SLC28A1: variants seen among roughly 807,000 people sequenced by gnomAD.
The protein encoded by SLC28A1 is solute carrier family 28 member 1.
SLC28A1 carries 64 observed loss-of-function variants against 74.8 expected under a neutral mutation model. That is an observed-to-expected ratio of 0.86 (90% CI 0.70 to 1.05). The LOEUF is 1.05. SLC28A1 is among the 50% of genes least tolerant of loss of function. SLC28A1 has a pLI of 0.00. For missense variants in SLC28A1, 828 were observed against 822.8 expected (o/e 1.01, Z -0.08); for synonymous variants, 359 against 335.0 (o/e 1.07, Z -0.78).
intron 1 of SLC28A1, 63 bp downstream of exon 1, chr15:84,884,814 T>A: frequency 1.3e-6 from 1 of 752,422 alleles, no homozygotes; most frequent in Non-Finnish European, 1.6e-6. Context: ...GGGAAGGGGG[T>A]AGCACAGGGC....
intron 8 of SLC28A1, among the ~76,000 whole-genome samples, chr15:84,906,972 G>A (rs908193926): frequency 2.0e-5 from 3 of 152,140 alleles, no homozygotes; most frequent in East Asian, 3.8e-4. Context: ...TGGGTGTTCC[G>A]ATGAGTTGAG....
chr15:84,916,073 A>G (rs1596297748), intron 9 of SLC28A1, among the ~76,000 whole-genome samples: 3 of 150,388 alleles, frequency 2.0e-5, no homozygotes. Context: ...AGCGATTCTC[A>G]TGCCTCAGCC....
chr15:84,944,687 C>T lies in SLC28A1; in HGVS notation c.1762+23C>T, dbSNP rs17215857. 427 of 1,606,806 alleles carry T rather than the reference C, an allele frequency of 2.7e-4. No individual in the cohort carries two copies. The Middle Eastern group carries it at 3.8e-3, about 14-fold the overall frequency. ...CAGGTGAGTGCAGGCCTGGCAGGCT[C>T]AGAAGGTGGAACCCTGACTTTCTGG... On this transcript the variant is annotated intron_variant, in intron 17 of 18. Transcript: ENST00000394573.
chr15:84,953,135 A>G, the SLC28A1 span, among the ~76,000 whole-genome samples: 1 of 152,188 alleles, frequency 6.6e-6, no homozygotes, highest in Admixed American at 6.5e-5. Context: ...TCTAATCTCT[A>G]ATCCTTTTTG....
chr15:84,930,614 CTTTTTTTTT>C (rs10609233), intron 12 of SLC28A1, among the ~76,000 whole-genome samples: 4 of 103,502 alleles, frequency 3.9e-5, no homozygotes, highest in Non-Finnish European at 7.6e-5. Flanking sequence ...CTGCCCTCTG[CTTTTTTTTT>C]TTTTTTTTTT....
At chr15:84,926,487 G>A in intron 12 of SLC28A1, 1 of 447,888 alleles carries the variant, frequency 2.2e-6, no homozygotes, top group Non-Finnish European at 4.5e-6. Flanking sequence ...ACAGGCATGA[G>A]CCATTGCATC....
rs71135328 is a variant in SLC28A1 at position 84,908,178 on chromosome 15, CTTTTTTTTTT to C, written c.718-526_718-517del. ...TGTCCTAATAACTCCCAGAGCATTT[CTTTTTTTTTT>C]TTTTTTTTTTTTTGAGACAGAGTCT... On this transcript the variant is annotated intron_variant, in intron 8 of 18. Coordinates refer to ENST00000394573, the MANE Select transcript of SLC28A1 (RefSeq NM_004213.5). Among the ~76,000 whole-genome samples the C allele has an allele frequency of 1.1e-4, 10 of 91,358 alleles. No homozygotes were observed. The Admixed American group carries it at 1.6e-3, about 15-fold the overall frequency. The allele number at this position is 91,358 out of a possible 152,430, so 59.9% of individuals were successfully genotyped here.
chr15:84,944,932 G>A (rs569055262), intron 18 of SLC28A1, 65 bp downstream of exon 18: 22 of 1,257,164 alleles, frequency 1.7e-5, no homozygotes, highest in African/African-American at 4.4e-5. Flanking sequence ...CTGAGCGCTG[G>A]GGGGGATGCC....
rs754390107 is a variant in SLC28A1 at position 84,895,029 on chromosome 15, C to G, written c.367C>G (p.Leu123Val). ...CCTCACCTGTGTGGTCCTCACCTTCCTGGGCCACCGCCTGCTGAAACGGCT... is the reference window on the plus strand; with the variant it reads ...CCTCACCTGTGTGGTCCTCACCTTCGTGGGCCACCGCCTGCTGAAACGGCT... The part of the protein sequence containing the change: ...FVLTCVVLTF[L>V]GHRLLKRLLG... The change falls in exon 6 of 19, where the codon CTG (leucine) becomes GTG (valine). Residue 123 changes from leucine (L) to valine (V), a missense_variant. Coordinates refer to ENST00000394573, the MANE Select transcript of SLC28A1 (RefSeq NM_004213.5). 8 of 1,614,078 alleles carry G rather than the reference C, an allele frequency of 5.0e-6. No homozygotes were observed. In the African/African-American group the frequency reaches 9.3e-5, roughly 19 times the overall value.
chr15:84,952,219 G>A, the SLC28A1 span, among the ~76,000 whole-genome samples: 1 of 152,188 alleles, frequency 6.6e-6, no homozygotes, highest in Non-Finnish European at 1.5e-5. Flanking sequence ...AAAAGAACAA[G>A]GAAGAGATGA....
chr15:84,935,081 G>C lies in SLC28A1; in HGVS notation c.1270G>C (p.Val424Leu). ...ASTGAAISVK[V>L]VANIAANLIA... ...CACTGGGGCCGCCATCTCCGTGAAGGTGGTCGCCAACATCGCTGCCAACCT... is the reference window on the plus strand; with the variant it reads ...CACTGGGGCCGCCATCTCCGTGAAGCTGGTCGCCAACATCGCTGCCAACCT... The change falls in exon 14 of 19, where the codon GTG (valine) becomes CTG (leucine). Residue 424 changes from valine to leucine, a missense_variant. Transcript: ENST00000394573. 6.2e-7 allele frequency: 1 copy of C among 1,614,044 alleles called. No individual in the cohort carries two copies.
downstream of SLC28A1, among the ~76,000 whole-genome samples, chr15:84,949,884 G>A (rs1355610860): frequency 2.8e-4 from 9 of 31,896 alleles, no homozygotes; most frequent in Admixed American, 1.6e-3. Flanking sequence ...GGGGTGGGAA[G>A]GACTTATCTA....
chr15:84,926,536 C>T, intron 12 of SLC28A1: 1 of 455,214 alleles, frequency 2.2e-6, no homozygotes, highest in Non-Finnish European at 4.4e-6. Flanking sequence ...TCCCTTTGAT[C>T]CAGCTAGAAA....
chr15:84,955,591 T>A, the SLC28A1 span, among the ~76,000 whole-genome samples: 1 of 152,166 alleles, frequency 6.6e-6, no homozygotes, highest in East Asian at 1.9e-4. Flanking sequence ...TTTCTTTGGT[T>A]CAGCGGGACT....
the SLC28A1 span, chr15:84,961,599 C>G: frequency 2.3e-6 from 1 of 433,602 alleles, no homozygotes; most frequent in South Asian, 1.7e-5. Context: ...CCTTGGCTTC[C>G]CAAAGTGCTG....
chr15:84,885,248 C>A (rs573318410), intron 1 of SLC28A1, among the ~76,000 whole-genome samples: 2 of 150,592 alleles, frequency 1.3e-5, no homozygotes, highest in South Asian at 4.2e-4. Flanking sequence ...CATGAGCCAC[C>A]GTGCCCCCCC....
chr15:84,884,825 A>C, intron 1 of SLC28A1, 74 bp downstream of exon 1: 3 of 763,668 alleles, frequency 3.9e-6, no homozygotes, highest in Non-Finnish European at 4.8e-6. Flanking sequence ...AGCACAGGGC[A>C]AAGTGGAAAA....
intron 1 of SLC28A1, 36 bp downstream of exon 1, chr15:84,884,787 G>A (rs879699831): frequency 1.6e-5 from 16 of 971,998 alleles, no homozygotes; most frequent in Middle Eastern, 5.3e-4. Flanking sequence ...GAGGGAAGGC[G>A]GGACTGAAGA....
At chr15:84,947,105 C>T (rs1377602834), downstream of SLC28A1, among the ~76,000 whole-genome samples, 1 of 152,248 alleles carries the variant, frequency 6.6e-6, no homozygotes, top group Non-Finnish European at 1.5e-5. Flanking sequence ...AGCAGCCTTG[C>T]TCCTTGTGAG....
Sources: allele counts gnomAD v4.1 joint callset (sites outside exome capture counted in the v4.1 genomes callset), GRCh38; gene constraint gnomAD v4.1.1; transcripts MANE v1.5; gene names NCBI Gene and HGNC (gene_info 2026-07-23, HGNC 2026-07-21).